The following KCNMB3 variants were observed in gnomAD, a reference collection of about 807,000 sequenced individuals.
The protein encoded by KCNMB3 is calcium-activated potassium channel subunit beta-3.
In KCNMB3, 18 loss-of-function variants were observed where a neutral mutation model predicts 11.9. The ratio of observed to expected loss-of-function variants is 1.51; its 90% CI spans 1.04 to 2.23. The LOEUF is 2.23. KCNMB3 is among the 30% of genes most tolerant of loss of function. KCNMB3 has a pLI of 0.00. For synonymous variants in KCNMB3, 78 were observed against 119.2 expected, an observed-to-expected ratio of 0.65 and a Z score of 2.25; for missense variants, 247 against 329.4, an observed-to-expected ratio of 0.75 and a Z score of 1.94.
chr3:179,240,781 T>C (rs1725435239), downstream of KCNMB3: 2 of 107,684 alleles, frequency 1.9e-5, no homozygotes. Context: ...TTTGAATTTG[T>C]TAGGGAAAAA....
chr3:179,247,682 G>A (rs914598212), intron 1 of KCNMB3, among the ~76,000 whole-genome samples: 4 of 152,140 alleles, frequency 2.6e-5, no homozygotes, highest in African/African-American at 9.7e-5. Flanking sequence ...TGGTTGATCA[G>A]GAGCAGCACA....
At chr3:179,260,754 G>A (rs62410372) in intron 1 of KCNMB3, 723,808 of 1,425,918 alleles carry the variant, frequency 0.51, 193,451 homozygotes, top group East Asian at 0.87. Context: ...TGAAACTGCA[G>A]TATACTGTGG....
At chr3:179,261,258 C>G in intron 1 of KCNMB3, 1 of 1,317,934 alleles carries the variant, frequency 7.6e-7, no homozygotes, top group Non-Finnish European at 9.9e-7. Flanking sequence ...CTCTGCGTGG[C>G]CGCGGGGCTG....
chr3:179,259,459 C>G, intron 1 of KCNMB3: 1 of 1,612,772 alleles, frequency 6.2e-7, no homozygotes, highest in Non-Finnish European at 8.5e-7. Context: ...GCTGTTTTTA[C>G]ATCATTGCCT....
intron 1 of KCNMB3, chr3:179,258,938 T>C: frequency 6.2e-7 from 1 of 1,613,634 alleles, no homozygotes; most frequent in Non-Finnish European, 8.5e-7. Flanking sequence ...ATTTAGAACA[T>C]TCTACTTACA....
At chr3:179,245,871 G>A (rs982225360) in intron 1 of KCNMB3, among the ~76,000 whole-genome samples, 2 of 152,180 alleles carry the variant, frequency 1.3e-5, no homozygotes, top group African/African-American at 4.8e-5. Context: ...TCCCAGAAGG[G>A]ACAGACAAAA....
At chr3:179,259,809 G>A (rs1576963477) in intron 1 of KCNMB3, 9 of 1,603,834 alleles carry the variant, frequency 5.6e-6, no homozygotes, top group Non-Finnish European at 7.6e-6. Context: ...TTTCATATCT[G>A]AGGGTTCACT....
chr3:179,243,846 T>C (rs1272223445), intron 2 of KCNMB3, among the ~76,000 whole-genome samples: 1 of 152,172 alleles, frequency 6.6e-6, no homozygotes, highest in African/African-American at 2.4e-5. Flanking sequence ...TTGAGGTTTA[T>C]TACCATATCC....
At chr3:179,259,423 C>A in intron 1 of KCNMB3, 1 of 1,605,446 alleles carries the variant, frequency 6.2e-7, no homozygotes, top group Non-Finnish European at 8.5e-7. Context: ...TCTAATGTGT[C>A]TCTACCAGCT....
downstream of KCNMB3, chr3:179,242,735 A>T (rs1001516290): frequency 3.0e-5 from 32 of 1,072,116 alleles, no homozygotes; most frequent in Non-Finnish European, 3.8e-5. Flanking sequence ...GTATGTATTT[A>T]TAGAAATAAA....
chr3:179,243,285 C>G lies in KCNMB3; in HGVS notation c.448-1G>C, dbSNP rs191394366. ...GGTGGCACTTAGGTGTGTAAAAGCA[C>G]TAGGAATATGGAAGAGGGAAAAAGA... is the stretch of plus-strand genomic sequence containing the variant. On this transcript the variant is annotated splice_acceptor_variant, in intron 2 of 2. Coordinates refer to ENST00000392685, the MANE Select transcript of KCNMB3 (RefSeq NM_171830.2). LOFTEE classifies it high-confidence loss of function. 1.1e-4 allele frequency: 137 copies of G among 1,240,908 alleles called. 2 individuals carry two copies. In the East Asian group the frequency reaches 1.9e-3, roughly 17 times the overall value. The allele number at this position is 1,240,908 out of a possible 1,614,324, so 76.9% of individuals were successfully genotyped here.
At chr3:179,251,319 G>A (rs1183319), upstream of KCNMB3, 800,812 of 1,440,288 alleles carry the variant, frequency 0.56, 229,138 homozygotes, top group African/African-American at 0.69. Flanking sequence ...ATTCCACATG[G>A]AAAGAATGAC....
At chr3:179,258,166 G>A (rs563363382) in intron 1 of KCNMB3, among the ~76,000 whole-genome samples, 2 of 152,262 alleles carry the variant, frequency 1.3e-5, no homozygotes, top group African/African-American at 4.8e-5. Flanking sequence ...GATTACAGGC[G>A]TGAGCCACCA....
chr3:179,241,465 T>G (rs969004830), downstream of KCNMB3: 1 of 154,400 alleles, frequency 6.5e-6, no homozygotes, highest in Non-Finnish European at 1.5e-5. Flanking sequence ...TTTAGTAATA[T>G]GTGTCGAAAT....
At chr3:179,266,449 T>C (rs1726371385) in intron 1 of KCNMB3, among the ~76,000 whole-genome samples, 1 of 152,150 alleles carries the variant, frequency 6.6e-6, no homozygotes, top group Non-Finnish European at 1.5e-5. Flanking sequence ...ACCTAGAGGA[T>C]AGAGCCAACA....
rs1725513791 is a variant in KCNMB3, at chr3:179,243,116, T to TAGCC, written c.612_615dup (p.Ile206GlyfsTer34). On this transcript the variant is annotated frameshift_variant, in exon 3 of 3. Transcript: ENST00000392685. LOFTEE classifies it low-confidence loss of function (END_TRUNC). ...GAAGGCCAAAATAAACAGTGGAAGATAGCCATTTGGTCATACTTTTTTATA... is the reference window on the plus strand; with the variant it reads ...GAAGGCCAAAATAAACAGTGGAAGATAGCCAGCCATTTGGTCATACTTTTTTATA... 6.5e-7 allele frequency: 1 copy of TAGCC among 1,545,006 alleles called. No individual in the cohort carries two copies. The highest frequency in any genetic ancestry group is 1.4e-5 in the African/African-American group (1 of 72,712).
At chr3:179,261,394 G>A in intron 1 of KCNMB3, 1 of 1,081,938 alleles carries the variant, frequency 9.2e-7, no homozygotes, top group Non-Finnish European at 1.1e-6. Flanking sequence ...CACTCGCCGC[G>A]AAGTGAACGC....
chr3:179,241,546 C>T (rs905077630), downstream of KCNMB3: 1 of 153,574 alleles, frequency 6.5e-6, no homozygotes, highest in Non-Finnish European at 1.5e-5. Flanking sequence ...ACAAAAGTAG[C>T]TTCAAATGTC....
chr3:179,258,664 A>G (rs1191053948), intron 1 of KCNMB3, among the ~76,000 whole-genome samples: 1 of 152,238 alleles, frequency 6.6e-6, no homozygotes, highest in Non-Finnish European at 1.5e-5. Context: ...TTAGATGCTG[A>G]TATATTTGGT....
Sources: allele counts gnomAD v4.1 joint callset (sites outside exome capture counted in the v4.1 genomes callset), GRCh38; gene constraint gnomAD v4.1.1; transcripts MANE v1.5; gene names NCBI Gene and HGNC (gene_info 2026-07-23, HGNC 2026-07-21).